The following TERT variants were observed in gnomAD, a reference collection of about 807,000 sequenced individuals.
TERT encodes the protein telomerase reverse transcriptase.
Under a neutral mutation model 104.0 loss-of-function variants are expected in TERT, and 42 were observed. The observed-to-expected ratio is 0.40, with a 90% CI of 0.32 to 0.52. The LOEUF is 0.52. Ranked by LOEUF, TERT falls within the 20% of genes least tolerant of loss-of-function variation. TERT has a pLI of 0.43. For synonymous variants in TERT, 781 were observed against 725.6 expected (o/e 1.08, Z -1.23); for missense variants, 1,101 against 1,610.3 (o/e 0.68, Z 5.41).
Position 1,293,315 on chromosome 5 carries a change from G to A in TERT, c.1571C>T (p.Pro524Leu). The change falls in exon 2 of 16, where the codon CCA (proline) becomes CTA (leucine). Residue 524 changes from proline (P) to leucine (L), a missense_variant and splice_region_variant. Pro to Leu is a moderately conservative substitution (Grantham distance 98). Transcript: ENST00000310581. Reference sequence around the variant, plus strand: ...CTCGACGGCCACCACCTCCTCACCTGGGCTCCTGCGCAGCCAAGCGCAGTC... The same window carrying A: ...CTCGACGGCCACCACCTCCTCACCTAGGCTCCTGCGCAGCCAAGCGCAGTC... ...VRDCAWLRRS[P>L]GVGCVPAAEH... is the part of the protein sequence containing the mutation. 2 of 1,612,830 alleles carry A rather than the reference G, an allele frequency of 1.2e-6. No homozygotes were observed. Among genetic ancestry groups the A allele is most frequent in the Non-Finnish European group, 1.7e-6 (2 of 1,179,994 alleles).
rs1252652201 is a variant in TERT, at chr5:1,256,166, T to C, written c.3033-755A>G. On this transcript the variant is annotated intron_variant, in intron 13 of 15. Coordinates refer to ENST00000310581, the MANE Select transcript of TERT (RefSeq NM_198253.3). The surrounding 1 kb of genome is among the most constrained non-coding windows in gnomAD (Gnocchi z 7.0). ...TTGGAACTACAGGCGCACACCACCA[T>C]GCTCAGCTAATTTTTGTTTTTATTT... Among the ~76,000 whole-genome samples the C allele has an allele frequency of 2.6e-5, 4 of 152,066 alleles. No homozygotes were observed. Among genetic ancestry groups the C allele is most frequent in the Non-Finnish European group, 5.9e-5 (4 of 68,004 alleles).
chr5:1,294,797 G>A lies in TERT; in HGVS notation c.193C>T (p.Pro65Ser). ...TGGCGGAAGGAGGGGGCGGCGGGGG[G>A]CGGCCGTGCGTCCCAGGGCACGCAC... ...LVCVPWDARP[P>S]PAAPSFRQVS... is the part of the protein sequence containing the mutation. Residue 65 changes from proline (P) to serine (S), a missense_variant, in exon 1 of 16, where the codon CCC becomes TCC. Physicochemically the swap from Pro to Ser is moderately conservative, Grantham distance 74. This residue lies in a region of TERT where 87 missense variants were observed against 145.4 expected (regional missense o/e 0.60). Transcript: ENST00000310581. 3 of 1,524,376 alleles carry A rather than the reference G, an allele frequency of 2.0e-6. No individual in the cohort carries two copies. Among genetic ancestry groups the A allele is most frequent in the Non-Finnish European group, 1.7e-6 (2 of 1,143,796 alleles). The allele number at this position is 1,524,376 out of a possible 1,614,324, so 94.4% of individuals were successfully genotyped here. A position where few individuals can be genotyped will look rare whatever the true frequency, so the allele number is the denominator to read the frequency against.
At chr5:1,281,065 C>G (rs1749990297) in intron 3 of TERT, among the ~76,000 whole-genome samples, 1 of 152,246 alleles carries the variant, frequency 6.6e-6, no homozygotes, top group Non-Finnish European at 1.5e-5. Flanking sequence ...CAAGGCCCCC[C>G]AGGCAGAACA....
intron 5 of TERT, among the ~76,000 whole-genome samples, 177 bp downstream of exon 5, chr5:1,279,114 T>G (rs1327581864): frequency 6.6e-6 from 1 of 152,184 alleles, no homozygotes; most frequent in Non-Finnish European, 1.5e-5. Flanking sequence ...CCCCATGTGC[T>G]GCAGGAAAGG....
At chr5:1,280,129 A>G in intron 4 of TERT, 29 bp downstream of exon 4, 1 of 1,613,634 alleles carries the variant, frequency 6.2e-7, no homozygotes, top group South Asian at 1.1e-5. Flanking sequence ...CTTCTGTTTA[A>G]AAAGGAAGTT....
intron 15 of TERT, among the ~76,000 whole-genome samples, 200 bp downstream of exon 15, chr5:1,254,168 G>C (rs1374665217): frequency 6.6e-6 from 1 of 152,202 alleles, no homozygotes; most frequent in African/African-American, 2.4e-5. Context: ...GGTTCAAGAA[G>C]TTGTGGACCC....
chr5:1,286,556 G>A lies in TERT; in HGVS notation c.1574-3932C>T, dbSNP rs1292620143. Reference sequence around the variant, plus strand: ...TAAGGGTCTTATTGCTCAGGACAAGGGTAGCAATGTTTCAGACTTCATTTT... The same window carrying A: ...TAAGGGTCTTATTGCTCAGGACAAGAGTAGCAATGTTTCAGACTTCATTTT... On this transcript the variant is annotated intron_variant, in intron 2 of 15. Transcript: ENST00000310581. This position sits in a 1 kb window ranked among gnomAD's most constrained non-coding sequence, Gnocchi z 5.3. 6.6e-6 allele frequency among the ~76,000 whole-genome samples: 1 copy of A among 152,132 alleles called. No homozygotes were observed. Among genetic ancestry groups the A allele is most frequent in the Non-Finnish European group, 1.5e-5 (1 of 68,022 alleles).
chr5:1,257,084 C>T lies in TERT; in HGVS notation c.3032+1514G>A, dbSNP rs571768196. On this transcript the variant is annotated intron_variant, in intron 13 of 15. Transcript: ENST00000310581. This position sits in a 1 kb window ranked among gnomAD's most constrained non-coding sequence, Gnocchi z 5.6. ...ACGTGCCTGACTCTGTGTTTGGAAA[C>T]GGCCCGTGGCCCATCGCATCTCGGC... is the stretch of plus-strand genomic sequence containing the variant. Among the ~76,000 whole-genome samples the T allele has an allele frequency of 1.4e-4, 21 of 152,282 alleles. No homozygotes were observed. Among genetic ancestry groups the T allele is most frequent in the East Asian group, 3.9e-4 (2 of 5,166 alleles).
intron 2 of TERT, chr5:1,282,882 T>C: frequency 1.9e-6 from 1 of 524,314 alleles, no homozygotes. Context: ...ACCTGCAGCA[T>C]CCAGACACCA....
Position 1,288,329 on chromosome 5 carries a change from G to A in TERT, c.1573+4984C>T, listed in dbSNP as rs1288629850. On this transcript the variant is annotated intron_variant, in intron 2 of 15. Coordinates refer to ENST00000310581, the MANE Select transcript of TERT (RefSeq NM_198253.3). This position sits in a 1 kb window ranked among gnomAD's most constrained non-coding sequence, Gnocchi z 5.3. ...TAAACTAAGAAGCTAGAAAAGGAAT[G>A]AAAGAATAAACCAAGAAAAAGCATA... is the stretch of plus-strand genomic sequence containing the variant. 6.6e-6 allele frequency among the ~76,000 whole-genome samples: 1 copy of A among 152,186 alleles called. No individual in the cohort carries two copies. Among genetic ancestry groups the A allele is most frequent in the Non-Finnish European group, 1.5e-5 (1 of 68,046 alleles).
intron 2 of TERT, among the ~76,000 whole-genome samples, 196 bp downstream of exon 2, chr5:1,293,117 G>GT (rs950983562): frequency 6.6e-6 from 1 of 152,244 alleles, no homozygotes; most frequent in South Asian, 2.1e-4. Context: ...GGTGAACCTC[G>GT]TAAGTTTATG....
rs1482379250 is a variant in TERT, at chr5:1,256,404, T to G, written c.3033-993A>C. On this transcript the variant is annotated intron_variant, in intron 13 of 15. Transcript: ENST00000310581. The surrounding 1 kb of genome is among the most constrained non-coding windows in gnomAD (Gnocchi z 7.0). Reference sequence around the variant, plus strand: ...TACCATGAAACAGCACATGTGCACATGTGCTCATATGTGCGTGTGATCAGA... The same window carrying G: ...TACCATGAAACAGCACATGTGCACAGGTGCTCATATGTGCGTGTGATCAGA... Among the ~76,000 whole-genome samples the G allele has an allele frequency of 6.6e-6, 1 of 151,924 alleles. No homozygotes were observed. Among genetic ancestry groups the G allele is most frequent in the Non-Finnish European group, 1.5e-5 (1 of 67,982 alleles).
In TERT at chr5:1,282,463, T is replaced by C; in HGVS notation, c.1735A>G (p.Ser579Gly). ...QKNRLFFYRK[S>G]VWSKLQSIGI... ...ATGCTTTGCAACTTGCTCCAGACACTCTTCCGGTAGAAAAAGAGCCTGTTC... is the reference window on the plus strand; with the variant it reads ...ATGCTTTGCAACTTGCTCCAGACACCCTTCCGGTAGAAAAAGAGCCTGTTC... Residue 579 changes from serine (S) to glycine (G), a missense_variant, in exon 3 of 16, where the codon AGT becomes GGT. Transcript: ENST00000310581. 1 of 1,614,110 alleles carries C rather than the reference T, an allele frequency of 6.2e-7. No individual in the cohort carries two copies. Among genetic ancestry groups the C allele is most frequent in the Non-Finnish European group, 8.5e-7 (1 of 1,180,012 alleles).
chr5:1,276,057 G>A (rs201353391), intron 6 of TERT, among the ~76,000 whole-genome samples: 730 of 60,556 alleles, frequency 0.012, no homozygotes, highest in Middle Eastern at 0.074. Flanking sequence ...CCCCACACAT[G>A]AAAACCAATC....
intron 4 of TERT, 76 bp from the exon 5 acceptor site, chr5:1,279,546 G>A: frequency 1.4e-6 from 2 of 1,458,900 alleles, no homozygotes; most frequent in Non-Finnish European, 9.4e-7. Flanking sequence ...GGACCCAGGG[G>A]AGAAGCAGCC....
At chr5:1,293,246 C>A in intron 2 of TERT, 67 bp downstream of exon 2, 1 of 1,592,570 alleles carries the variant, frequency 6.3e-7, no homozygotes, top group East Asian at 2.2e-5. Flanking sequence ...TCTGCCTGCC[C>A]CCTTTTCTGA....
chr5:1,287,707 A>C lies in TERT; in HGVS notation c.1574-5083T>G, dbSNP rs907546423. On this transcript the variant is annotated intron_variant, in intron 2 of 15. Transcript: ENST00000310581. This position sits in a 1 kb window ranked among gnomAD's most constrained non-coding sequence, Gnocchi z 4.3. The stretch of plus-strand genomic sequence containing the variant: ...ACGTGCATGCACCTAACAATGCCTC[A>C]CATAAATGCTACCAAACGAGAAGAA... Among the ~76,000 whole-genome samples, 3 of 152,132 alleles carry C rather than the reference A, an allele frequency of 2.0e-5. No individual in the cohort carries two copies. Among genetic ancestry groups the C allele is most frequent in the Non-Finnish European group, 2.9e-5 (2 of 68,024 alleles).
chr5:1,277,529 G>A (rs1749683042), intron 6 of TERT, among the ~76,000 whole-genome samples: 1 of 151,960 alleles, frequency 6.6e-6, no homozygotes, highest in African/African-American at 2.4e-5. Flanking sequence ...ATGGAGACCG[G>A]GAGAGGGAGA....
chr5:1,284,134 G>A (rs1414947345), intron 2 of TERT, among the ~76,000 whole-genome samples: 1 of 122,080 alleles, frequency 8.2e-6, no homozygotes, highest in Non-Finnish European at 1.7e-5. Context: ...GCTCACCGAG[G>A]GCCTGGCGAC....
Sources: allele counts gnomAD v4.1 joint callset (sites outside exome capture counted in the v4.1 genomes callset), GRCh38; gene constraint gnomAD v4.1.1; regional missense constraint gnomAD v4.1.1; non-coding constraint Gnocchi (gnomAD v3.1); transcripts MANE v1.5; gene names NCBI Gene and HGNC (gene_info 2026-07-23, HGNC 2026-07-21).